The following MBTPS2 variants were observed in gnomAD, a reference collection of about 807,000 sequenced individuals.
MBTPS2 encodes the protein membrane-bound transcription factor site-2 protease.
A neutral mutation model predicts 35.4 loss-of-function variants in MBTPS2; 2 were observed. The ratio of observed to expected loss-of-function variants is 0.06; its 90% CI spans 0.02 to 0.18. The LOEUF (loss-of-function observed/expected upper bound fraction) is 0.18, where lower values mean the gene tolerates loss of function less well. MBTPS2 is among the 10% of genes least tolerant of loss of function. The pLI, the probability that MBTPS2 is intolerant of heterozygous loss-of-function variation, is 1.00. For synonymous variants in MBTPS2, 125 were observed against 140.4 expected (o/e 0.89, Z 0.77); for missense variants, 244 against 386.5 (o/e 0.63, Z 3.09).
At position 21,865,302 on chromosome X, in the gene MBTPS2, T is replaced by C. The variant is rs759176586; in HGVS notation, c.671-3165T>C. On this transcript the variant is annotated intron_variant, in intron 5 of 10. Transcript: ENST00000379484. ...AAGAGAGATGAGATGAGATACTTCC[T>C]GAGCACACTGTAAATGAAGATGTTT... Among the ~76,000 whole-genome samples, 4 of 111,632 alleles carry C rather than the reference T, an allele frequency of 3.6e-5. No individual in the cohort carries two copies. The South Asian group carries it at 1.1e-3, about 31-fold the overall frequency.
intron 5 of MBTPS2, among the ~76,000 whole-genome samples, chrX:21,864,095 A>G (rs772254702): frequency 8.9e-6 from 1 of 112,569 alleles, no homozygotes; most frequent in South Asian, 3.7e-4. Flanking sequence ...GGAGAGAGAA[A>G]TATGTGTGTA....
At chrX:21,847,411 A>G (rs961104895) in intron 3 of MBTPS2, among the ~76,000 whole-genome samples, 1 of 112,074 alleles carries the variant, frequency 8.9e-6, no homozygotes, top group Admixed American at 9.5e-5. Context: ...TGTTTACTCT[A>G]TAATTCCTGA....
chrX:21,842,906 C>T (rs2092904344), intron 1 of MBTPS2, among the ~76,000 whole-genome samples: 1 of 111,674 alleles, frequency 9.0e-6, no homozygotes, highest in Non-Finnish European at 1.9e-5. Context: ...AATGTGAAAA[C>T]TATTCTTAGC....
At chrX:21,851,921 T>G (rs1311202701) in intron 4 of MBTPS2, among the ~76,000 whole-genome samples, 1 of 111,853 alleles carries the variant, frequency 8.9e-6, no homozygotes, top group Non-Finnish European at 1.9e-5. Flanking sequence ...AAAGCCAATC[T>G]TTCTGTTCAT....
intron 7 of MBTPS2, chrX:21,870,652 G>T (rs187570723): frequency 8.9e-6 from 1 of 112,130 alleles, no homozygotes; most frequent in African/African-American, 3.2e-5. Flanking sequence ...GATTCTATCT[G>T]GGGTAGAGTT....
At position 21,884,994 on chromosome X, in the gene MBTPS2, C is replaced by A; in HGVS notation, c.*2339C>A. 1 of 750,389 alleles carries A rather than the reference C, an allele frequency of 1.3e-6. No individual in the cohort carries two copies. The highest frequency in any genetic ancestry group is 1.6e-6 in the Non-Finnish European group (1 of 635,856). 61.8% of individuals were successfully genotyped at this position (750,389 alleles called of 1,213,427 possible). A position where few individuals can be genotyped will look rare whatever the true frequency, so the allele number is the denominator to read the frequency against. On this transcript the variant is annotated 3_prime_UTR_variant, in exon 11 of 11. Transcript: ENST00000379484. ...TATTTTGAGGATTGAAGAAAGTGTT[C>A]TTTCTGCGTTGTCACTTTGTTCAAC...
intron 3 of MBTPS2, among the ~76,000 whole-genome samples, chrX:21,846,597 C>T (rs1409023482): frequency 2.7e-5 from 3 of 111,901 alleles, no homozygotes; most frequent in South Asian, 3.8e-4. Flanking sequence ...CTTGAACTTC[C>T]GACCTCAGAT....
chrX:21,865,500 G>GT (rs2092938564), intron 5 of MBTPS2, among the ~76,000 whole-genome samples: 1 of 112,100 alleles, frequency 8.9e-6, no homozygotes. Context: ...ATACTTAAAT[G>GT]TTTTTAAATC....
chrX:21,853,056 C>T (rs1162611838), intron 4 of MBTPS2, among the ~76,000 whole-genome samples: 9 of 110,824 alleles, frequency 8.1e-5, no homozygotes, highest in Non-Finnish European at 3.8e-5. Flanking sequence ...CATTTAGTTT[C>T]TCATAAAAGC....
chrX:21,845,997 A>T (rs754011238), intron 3 of MBTPS2, among the ~76,000 whole-genome samples: 2 of 111,852 alleles, frequency 1.8e-5, no homozygotes, highest in African/African-American at 6.5e-5. Flanking sequence ...CATTTCCATG[A>T]GTCATGGATG....
intron 9 of MBTPS2, among the ~76,000 whole-genome samples, chrX:21,880,202 G>A (rs1255691182): frequency 1.8e-5 from 2 of 109,618 alleles, no homozygotes; most frequent in Non-Finnish European, 3.8e-5. Context: ...TGATCTGCCC[G>A]CCTTGGTCTC....
chrX:21,844,451 C>A (rs2092906333), intron 2 of MBTPS2, among the ~76,000 whole-genome samples: 2 of 111,912 alleles, frequency 1.8e-5, no homozygotes, highest in African/African-American at 6.5e-5. Flanking sequence ...GAGGTGAAGG[C>A]TGCAGTGAGC....
chrX:21,865,870 A>G (rs7884001), intron 5 of MBTPS2, among the ~76,000 whole-genome samples: 2,279 of 112,442 alleles, frequency 0.02, 64 homozygotes, highest in African/African-American at 0.07. Context: ...CCCCCGCTTA[A>G]TAATAATCAC....
At chrX:21,867,016 C>CAAAAAAAAA (rs760076000) in intron 5 of MBTPS2, among the ~76,000 whole-genome samples, 1 of 57,255 alleles carries the variant, frequency 1.7e-5, no homozygotes. Flanking sequence ...GACTCTGTCT[C>CAAAAAAAAA]AAAAAAAAAA....
chrX:21,849,594 T>C (rs1190466787), intron 3 of MBTPS2, among the ~76,000 whole-genome samples: 1 of 111,493 alleles, frequency 9.0e-6, no homozygotes, highest in Admixed American at 9.6e-5. Context: ...ACATTAAACA[T>C]TGGACAAAGA....
chrX:21,851,541 G>A lies in MBTPS2; in HGVS notation c.471G>A (p.Leu157=), dbSNP rs1377030830. The change falls in exon 4 of 11, where the codon CTG becomes CTA. Residue 157 remains leucine, a synonymous_variant. Transcript: ENST00000379484. ...VPGINLPVNQ[L]TYFFTAVLIS... Reference sequence around the variant, plus strand: ...GTATAAATTTACCCGTCAATCAACTGACCTATTTCTTCACGGCAGTTCTCA... The same window carrying A: ...GTATAAATTTACCCGTCAATCAACTAACCTATTTCTTCACGGCAGTTCTCA... 6 of 1,207,555 alleles carry A rather than the reference G, an allele frequency of 5.0e-6. No individual in the cohort carries two copies. The highest frequency in any genetic ancestry group is 6.7e-6 in the Non-Finnish European group (6 of 892,045).
intron 5 of MBTPS2, among the ~76,000 whole-genome samples, chrX:21,865,952 TTTTG>T (rs775263244): frequency 8.8e-4 from 98 of 111,580 alleles, no homozygotes; most frequent in Non-Finnish European, 1.7e-3. Context: ...GACCCATGAT[TTTTG>T]TTTGTTTGTT....
chrX:21,851,737 T>A (rs1320568130), intron 4 of MBTPS2, 125 bp downstream of exon 4: 1 of 517,821 alleles, frequency 1.9e-6, no homozygotes, highest in East Asian at 3.5e-5. Flanking sequence ...TATTGCCTAG[T>A]GCATAGCCAT....
At chrX:21,880,830 A>C in intron 9 of MBTPS2, 67 bp from the exon 10 acceptor site, 1 of 764,058 alleles carries the variant, frequency 1.3e-6, no homozygotes, top group Non-Finnish European at 2.0e-6. Flanking sequence ...ACCATATGGT[A>C]GAATTCATAA....
Sources: allele counts gnomAD v4.1 joint callset (sites outside exome capture counted in the v4.1 genomes callset), GRCh38; gene constraint gnomAD v4.1.1; transcripts MANE v1.5; gene names NCBI Gene and HGNC (gene_info 2026-07-23, HGNC 2026-07-21).